MTTP: variants seen among roughly 807,000 people sequenced by gnomAD.
The protein encoded by MTTP is microsomal triglyceride transfer protein large subunit.
MTTP carries 49 observed loss-of-function variants against 90.6 expected under a neutral mutation model. That is an observed-to-expected ratio of 0.54 (90% CI 0.43 to 0.69). The LOEUF is 0.69. Ranked by LOEUF, MTTP falls within the 30% of genes least tolerant of loss-of-function variation. MTTP has a pLI of 0.00. For synonymous variants in MTTP, 347 were observed against 384.2 expected (o/e 0.90, Z 1.13); for missense variants, 945 against 1,067.5 (o/e 0.89, Z 1.60).
intron 7 of MTTP, among the ~76,000 whole-genome samples, chr4:99,595,966 T>C (rs1244557745): frequency 6.6e-6 from 1 of 152,024 alleles, no homozygotes; most frequent in Non-Finnish European, 1.5e-5. Context: ...TTTATGTTAT[T>C]GAGGAATTTG....
upstream of MTTP, chr4:99,570,587 T>C (rs1017760336): frequency 7.3e-6 from 3 of 413,148 alleles, no homozygotes; most frequent in African/African-American, 6.2e-5. Flanking sequence ...TCCCCAAAGA[T>C]CTTAAATGTC....
intron 1 of MTTP, among the ~76,000 whole-genome samples, chr4:99,580,574 C>CACAAAAAAAAAAAAAAAAAAAAAAAAA (rs1725079820): frequency 2.5e-5 from 1 of 39,880 alleles, no homozygotes; most frequent in African/African-American, 8.1e-5. Context: ...GACTCTGTCT[C>CACAAAAAAAAAAAAAAAAAAAAAAAAA]AAAAAAAAAA....
At chr4:99,567,037 A>T (rs1322180921) in intron 1 of MTTP, among the ~76,000 whole-genome samples, 1 of 152,216 alleles carries the variant, frequency 6.6e-6, no homozygotes, top group African/African-American at 2.4e-5. Context: ...TTTAAACATG[A>T]CTTGAAAGGT....
intron 1 of MTTP, among the ~76,000 whole-genome samples, chr4:99,566,732 T>G (rs1326017207): frequency 3.9e-5 from 6 of 152,204 alleles, no homozygotes. Context: ...GTGGGCTATA[T>G]TCAGACAGTT....
rs999459031 is a variant in MTTP, at chr4:99,575,561, C to T, written c.61+591C>T. Among the ~76,000 whole-genome samples, 38 of 152,038 alleles carry T rather than the reference C, an allele frequency of 2.5e-4. 1 individual carries two copies. The highest frequency in any genetic ancestry group is 1.0e-4 in the Non-Finnish European group (7 of 67,994). Reference sequence around the variant, plus strand: ...ACAGATTTAAGAAATAAGACATTATCTTTGGAAAAATAATGTTGCTACTTA... The same window carrying T: ...ACAGATTTAAGAAATAAGACATTATTTTTGGAAAAATAATGTTGCTACTTA... On this transcript the variant is annotated intron_variant, in intron 1 of 17. Transcript: ENST00000265517.
At position 99,613,147 on chromosome 4, in the gene MTTP, C is replaced by T. The variant is rs754831170; in HGVS notation, c.2217+7C>T. On this transcript the variant is annotated splice_region_variant and intron_variant, in intron 15 of 17. Coordinates refer to ENST00000265517, the MANE Select transcript of MTTP (RefSeq NM_001386140.1). ...GCTAATAGATCATTCTCAGGTAATTCATTCAGTCTGTGAGTATTTATTGAG... is the reference window on the plus strand; with the variant it reads ...GCTAATAGATCATTCTCAGGTAATTTATTCAGTCTGTGAGTATTTATTGAG... 1 of 1,607,088 alleles carries T rather than the reference C, an allele frequency of 6.2e-7. No individual in the cohort carries two copies. Among genetic ancestry groups the T allele is most frequent in the African/African-American group, 1.3e-5 (1 of 74,748 alleles).
At chr4:99,574,781 TC>T (rs1724913246), upstream of MTTP, 1 of 1,590,486 alleles carries the variant, frequency 6.3e-7, no homozygotes, top group Non-Finnish European at 8.6e-7. Flanking sequence ...GTCTGACCTT[TC>T]CCCAAAGATA....
At chr4:99,592,766 CT>C (rs1231632849) in intron 6 of MTTP, among the ~76,000 whole-genome samples, 3 of 152,126 alleles carry the variant, frequency 2.0e-5, no homozygotes, top group Non-Finnish European at 2.9e-5. Flanking sequence ...CTGCCTGAGG[CT>C]GTCTTACAGT....
chr4:99,578,848 A>G (rs1725030132), intron 1 of MTTP, among the ~76,000 whole-genome samples: 1 of 152,178 alleles, frequency 6.6e-6, no homozygotes, highest in East Asian at 1.9e-4. Context: ...CACAATGCTT[A>G]CTTTTCAGAA....
rs77010227 is a variant in MTTP at position 99,583,284 on chromosome 4, T to C, written c.250-90T>C. The C allele has an allele frequency of 3.0e-3, 4,251 of 1,440,018 alleles. 108 individuals are homozygous for C. The African/African-American group carries it at 0.053, about 18-fold the overall frequency. The allele number at this position is 1,440,018 out of a possible 1,614,324, so 89.2% of individuals were successfully genotyped here. ...ACAGAAGAAATTGTGGCCAACTCTT[T>C]CTGTTTCTTTATCATTTTATTTTCA... On this transcript the variant is annotated intron_variant, in intron 2 of 17. Transcript: ENST00000265517.
intron 10 of MTTP, 142 bp from the exon 11 acceptor site, chr4:99,606,606 C>T (rs1293688053): frequency 1.3e-6 from 1 of 766,424 alleles, no homozygotes; most frequent in African/African-American, 1.7e-5. Flanking sequence ...GCTTTTATTC[C>T]ACTGTGTGCC....
chr4:99,584,962 C>T (rs571983037), intron 3 of MTTP, among the ~76,000 whole-genome samples: 20 of 152,204 alleles, frequency 1.3e-4, no homozygotes, highest in Admixed American at 8.5e-4. Context: ...TCTGTCAAAG[C>T]GTTTATCACA....
chr4:99,581,389 A>G (rs1037865289), intron 1 of MTTP, among the ~76,000 whole-genome samples: 5 of 152,244 alleles, frequency 3.3e-5, no homozygotes, highest in African/African-American at 1.2e-4. Context: ...TAAAAGTTTG[A>G]TAATTACATT....
chr4:99,586,047 C>T (rs1725251014), intron 3 of MTTP, among the ~76,000 whole-genome samples: 1 of 152,096 alleles, frequency 6.6e-6, no homozygotes, highest in African/African-American at 2.4e-5. Context: ...TTAAGTTGTG[C>T]TCCTGAAGTT....
intron 1 of MTTP, among the ~76,000 whole-genome samples, chr4:99,577,615 AAAAAAAAG>A (rs1437791244): frequency 5.2e-4 from 77 of 147,912 alleles, no homozygotes; most frequent in African/African-American, 1.5e-3. Flanking sequence ...CAAAAAAAAA[AAAAAAAAG>A]AAAGAAAAGA....
intron 11 of MTTP, 34 bp downstream of exon 11, chr4:99,606,994 G>T: frequency 2.0e-6 from 3 of 1,506,314 alleles, no homozygotes; most frequent in Non-Finnish European, 1.8e-6. Context: ...AACATTTACA[G>T]AAGAAAAAAA....
chr4:99,604,388 A>G (rs1725765450), intron 10 of MTTP, among the ~76,000 whole-genome samples: 1 of 151,898 alleles, frequency 6.6e-6, no homozygotes, highest in Admixed American at 6.6e-5. Flanking sequence ...TTATGTTTTG[A>G]CCTCCCGGCA....
chr4:99,577,795 T>C (rs1385444049), intron 1 of MTTP, among the ~76,000 whole-genome samples: 2 of 152,086 alleles, frequency 1.3e-5, no homozygotes, highest in Non-Finnish European at 2.9e-5. Context: ...TTTGTCATGG[T>C]TGGACTATTT....
At position 99,609,114 on chromosome 4, in the gene MTTP, AT is replaced by A; in HGVS notation, c.1769+138del. The stretch of plus-strand genomic sequence containing the variant: ...AAAACCAAAGAGTGCCAGATTTCCC[AT>A]AATAGGGCTATTTAGGGGGCCAGAT... On this transcript the variant is annotated intron_variant, in intron 12 of 17. Transcript: ENST00000265517. 16 of 845,716 alleles carry A rather than the reference AT, an allele frequency of 1.9e-5. 1 individual carries two copies. Among genetic ancestry groups the A allele is most frequent in the South Asian group, 1.8e-4 (12 of 67,590 alleles). 52.4% of individuals were successfully genotyped at this position (845,716 alleles called of 1,614,324 possible). A position where few individuals can be genotyped will look rare whatever the true frequency, so the allele number is the denominator to read the frequency against.
Sources: gnomAD v4.1 joint callset for allele counts (sites outside exome capture counted in the v4.1 genomes callset) on GRCh38, gnomAD v4.1.1 for gene constraint, MANE v1.5 for transcripts, NCBI Gene and HGNC (gene_info 2026-07-23, HGNC 2026-07-21) for gene names.